The following WDPCP variants were observed in gnomAD, a reference collection of about 807,000 sequenced individuals.
WDPCP encodes WD repeat-containing and planar cell polarity effector protein fritz homolog.
A neutral mutation model predicts 93.1 loss-of-function variants in WDPCP; 71 were observed. The ratio of observed to expected loss-of-function variants is 0.76; its 90% CI spans 0.63 to 0.93. The LOEUF (loss-of-function observed/expected upper bound fraction) is 0.93. Among genes scored for constraint, WDPCP ranks in the 40% least tolerant of loss-of-function variants. The probability of loss-of-function intolerance (pLI) is 0.00; values close to 1 mark genes in which losing one functional copy is unlikely to be tolerated. For missense variants in WDPCP, 844 were observed against 887.4 expected, an observed-to-expected ratio of 0.95 and a Z score of 0.62; for synonymous variants, 315 against 315.0, an observed-to-expected ratio of 1.00 and a Z score of 0.00.
chr2:63,747,842 T>A (rs563501184), intron 2 of WDPCP, among the ~76,000 whole-genome samples: 1 of 152,248 alleles, frequency 6.6e-6, no homozygotes, highest in Non-Finnish European at 1.5e-5. Flanking sequence ...TGAGATTGCA[T>A]TGATTCTGTA....
intron 15 of WDPCP, among the ~76,000 whole-genome samples, chr2:63,157,788 T>A (rs1371341747): frequency 6.6e-6 from 1 of 152,124 alleles, no homozygotes; most frequent in Non-Finnish European, 1.5e-5. Flanking sequence ...TTTGTCTGAC[T>A]AGAGTTTTTT....
At chr2:63,619,402 A>C (rs1709707666) in intron 3 of WDPCP, among the ~76,000 whole-genome samples, 1 of 152,206 alleles carries the variant, frequency 6.6e-6, no homozygotes, top group Admixed American at 6.5e-5. Flanking sequence ...CATCTACTCT[A>C]TAAAGCTCAA....
intron 13 of WDPCP, among the ~76,000 whole-genome samples, chr2:63,294,896 G>A (rs1684727369): frequency 6.6e-6 from 1 of 151,926 alleles, no homozygotes; most frequent in Non-Finnish European, 1.5e-5. Flanking sequence ...AACTTTGGTT[G>A]GTAATACTAC....
chr2:63,171,007 C>T (rs927944704), intron 15 of WDPCP, among the ~76,000 whole-genome samples: 2 of 151,346 alleles, frequency 1.3e-5, no homozygotes, highest in Non-Finnish European at 2.9e-5. Context: ...ACTGGGGAAA[C>T]GTGTATTTCT....
At chr2:63,306,230 A>G (rs1343475884) in intron 13 of WDPCP, among the ~76,000 whole-genome samples, 2 of 152,230 alleles carry the variant, frequency 1.3e-5, no homozygotes, top group East Asian at 3.8e-4. Flanking sequence ...ACAAGTTCTG[A>G]AATTGAGGCA....
At chr2:63,590,731 G>A (rs1709181292), upstream of WDPCP, 1 of 152,214 alleles carries the variant, frequency 6.6e-6, no homozygotes, top group African/African-American at 2.4e-5. Flanking sequence ...CCGTTGGAAG[G>A]TCACTGGGGT....
At chr2:63,634,435 A>T (rs1357285860) in intron 3 of WDPCP, among the ~76,000 whole-genome samples, 1 of 152,252 alleles carries the variant, frequency 6.6e-6, no homozygotes, top group East Asian at 1.9e-4. Context: ...AGAAACTTTA[A>T]CATCTCATTT....
At position 63,330,944 on chromosome 2, in the gene WDPCP, C is replaced by T. The variant is rs556915798; in HGVS notation, c.1749-17633G>A. Among the ~76,000 whole-genome samples the T allele has an allele frequency of 1.0e-3, 148 of 146,524 alleles. 1 individual carries two copies. Among genetic ancestry groups the T allele is most frequent in the Non-Finnish European group, 1.5e-3 (102 of 67,382 alleles). The stretch of plus-strand genomic sequence containing the variant: ...GGAATGCAGAGGTACTATCATGGCT[C>T]ACTGCAGCCTTGACCTCCCAGGTTC... On this transcript the variant is annotated intron_variant, in intron 12 of 17. Transcript: ENST00000272321.
intron 2 of WDPCP, among the ~76,000 whole-genome samples, chr2:63,729,227 G>GATT (rs778161097): frequency 1.3e-5 from 2 of 152,054 alleles, no homozygotes; most frequent in African/African-American, 2.4e-5. Context: ...ATAGGATTCT[G>GATT]ATTATACATT....
chr2:63,715,689 T>C (rs996353009), intron 2 of WDPCP, among the ~76,000 whole-genome samples: 1 of 152,240 alleles, frequency 6.6e-6, no homozygotes, highest in African/African-American at 2.4e-5. Flanking sequence ...CAATTAGTGA[T>C]CTGTAGAAGA....
rs145802964 is a variant in WDPCP, at chr2:63,608,119, TATTAA to T, written n.488+42535_488+42539del. 6.3e-3 allele frequency among the ~76,000 whole-genome samples: 954 copies of T among 152,300 alleles called. 12 individuals carry two copies. The highest frequency in any genetic ancestry group is 0.022 in the African/African-American group (904 of 41,558). On this transcript the variant is annotated intron_variant and non_coding_transcript_variant, in intron 3 of 4. Coordinates refer to the WDPCP transcript ENST00000467687. ...ATTTGATTTTAAGGCTAGCTACTAA[TATTAA>T]ATAAGTTGCAGATAATATTGTTAAC...
intron 15 of WDPCP, among the ~76,000 whole-genome samples, chr2:63,165,922 T>A (rs1361380225): frequency 1.3e-5 from 2 of 151,976 alleles, no homozygotes; most frequent in Non-Finnish European, 2.9e-5. Context: ...ACTACAGTTT[T>A]TTGTTTGTTT....
intron 2 of WDPCP, among the ~76,000 whole-genome samples, chr2:63,766,923 G>A (rs1258636716): frequency 6.6e-6 from 1 of 152,024 alleles, no homozygotes; most frequent in Non-Finnish European, 1.5e-5. Flanking sequence ...CGAGCCCATG[G>A]AAACCACTAT....
At chr2:63,755,516 C>A (rs1449079293) in intron 2 of WDPCP, among the ~76,000 whole-genome samples, 1 of 152,168 alleles carries the variant, frequency 6.6e-6, no homozygotes, top group Non-Finnish European at 1.5e-5. Context: ...AAGAAAAAAT[C>A]TTCAAGACAA....
chr2:63,372,078 C>G (rs555701320), intron 12 of WDPCP, among the ~76,000 whole-genome samples: 1 of 152,210 alleles, frequency 6.6e-6, no homozygotes, highest in Admixed American at 6.5e-5. Context: ...CTGGTGAGGT[C>G]TCAGAAAGCT....
chr2:63,330,466 T>G (rs1471596212), intron 12 of WDPCP, among the ~76,000 whole-genome samples: 1 of 152,214 alleles, frequency 6.6e-6, no homozygotes, highest in Non-Finnish European at 1.5e-5. Flanking sequence ...TCCTTATATA[T>G]TTTAGATATT....
intron 3 of WDPCP, among the ~76,000 whole-genome samples, chr2:63,601,258 CA>C (rs1350688892): frequency 6.6e-6 from 1 of 152,170 alleles, no homozygotes; most frequent in Non-Finnish European, 1.5e-5. Context: ...AGAAAAATAA[CA>C]AACCCAAAGA....
At chr2:63,480,720 T>C (rs570285151) in intron 6 of WDPCP, among the ~76,000 whole-genome samples, 2 of 152,244 alleles carry the variant, frequency 1.3e-5, no homozygotes, top group East Asian at 1.9e-4. Context: ...TCTCTCACCT[T>C]ATACAAAAAT....
At chr2:63,525,838 T>C (rs976466098) in intron 1 of WDPCP, among the ~76,000 whole-genome samples, 2 of 152,226 alleles carry the variant, frequency 1.3e-5, no homozygotes, top group Non-Finnish European at 2.9e-5. Flanking sequence ...TGGAGTACTT[T>C]AATGTAATTT....
Sources: gnomAD v4.1 joint callset for allele counts (sites outside exome capture counted in the v4.1 genomes callset) on GRCh38, gnomAD v4.1.1 for gene constraint, MANE v1.5 for transcripts, NCBI Gene and HGNC (gene_info 2026-07-23, HGNC 2026-07-21) for gene names.